PTP4A2: variants seen among roughly 807,000 people sequenced by gnomAD.
PTP4A2 encodes the protein protein tyrosine phosphatase type IVA 2.
Under a neutral mutation model 22.9 loss-of-function variants are expected in PTP4A2, and 2 were observed. That is an observed-to-expected ratio of 0.09 (90% CI 0.04 to 0.27). The LOEUF (loss-of-function observed/expected upper bound fraction) is 0.27. Ranked by LOEUF, PTP4A2 falls within the 10% of genes least tolerant of loss-of-function variation. The pLI is 1.00. For missense variants in PTP4A2, 103 were observed against 205.1 expected, an observed-to-expected ratio of 0.50 and a Z score of 3.04; for synonymous variants, 68 against 69.1, an observed-to-expected ratio of 0.98 and a Z score of 0.08.
chr1:31,928,338 T>C (rs991739430), intron 1 of PTP4A2, among the ~76,000 whole-genome samples: 1 of 151,040 alleles, frequency 6.6e-6, no homozygotes, highest in African/African-American at 2.4e-5. Context: ...ATCAATTCAA[T>C]TCTACACAAA....
chr1:31,910,149 C>A lies in PTP4A2; in HGVS notation c.321-37G>T. 2.0e-6 allele frequency: 3 copies of A among 1,536,944 alleles called. No homozygotes were observed. The South Asian group carries it at 3.4e-5, about 17-fold the overall frequency. ...AACCTGTATGTAAGTATCCATAAGT[C>A]TTGGAGTGAAAGGATTTTTAAAAAC... is the stretch of plus-strand genomic sequence containing the variant. On this transcript the variant is annotated intron_variant, in intron 4 of 5. Transcript: ENST00000647444.
chr1:31,921,809 A>C (rs1652167788), intron 1 of PTP4A2: 1 of 152,048 alleles, frequency 6.6e-6, no homozygotes, highest in Non-Finnish European at 1.5e-5. Flanking sequence ...CTTCAACACT[A>C]TTCATCTATC....
intron 2 of PTP4A2, among the ~76,000 whole-genome samples, chr1:31,916,913 A>T (rs541921381): frequency 2.0e-5 from 3 of 152,334 alleles, no homozygotes; most frequent in African/African-American, 7.2e-5. Context: ...CTGTATCTTT[A>T]TATTTTTATG....
intron 1 of PTP4A2, among the ~76,000 whole-genome samples, chr1:31,935,172 C>T (rs546926904): frequency 6.6e-6 from 1 of 152,206 alleles, no homozygotes; most frequent in East Asian, 1.9e-4. Context: ...ATATACTCTC[C>T]TCTTTTTCCA....
chr1:31,910,199 A>G, intron 4 of PTP4A2, 87 bp from the exon 5 acceptor site: 3 of 947,208 alleles, frequency 3.2e-6, no homozygotes, highest in South Asian at 2.8e-5. Context: ...TACCAATGCA[A>G]CGCATGAGCT....
intron 2 of PTP4A2, among the ~76,000 whole-genome samples, chr1:31,916,540 A>T (rs1324687420): frequency 6.6e-6 from 1 of 152,144 alleles, no homozygotes; most frequent in Non-Finnish European, 1.5e-5. Context: ...AACTTACACA[A>T]AAGTTCACAT....
intron 1 of PTP4A2, chr1:31,934,114 CT>C (rs1652840000): frequency 6.6e-6 from 1 of 152,142 alleles, no homozygotes; most frequent in African/African-American, 2.4e-5. Context: ...AAAAAATTAG[CT>C]GGGCGTGGTG....
At chr1:31,909,454 T>C (rs1361251501) in intron 5 of PTP4A2, among the ~76,000 whole-genome samples, 1 of 152,078 alleles carries the variant, frequency 6.6e-6, no homozygotes, top group Non-Finnish European at 1.5e-5. Flanking sequence ...GGTGGGCGGA[T>C]CACGAGATCA....
intron 1 of PTP4A2, among the ~76,000 whole-genome samples, chr1:31,937,206 G>A (rs1056762021): frequency 6.6e-6 from 1 of 152,096 alleles, no homozygotes; most frequent in African/African-American, 2.4e-5. Flanking sequence ...TTGAAGTCAT[G>A]AAACGTGGGA....
At chr1:31,913,809 C>CTA in intron 3 of PTP4A2, 1 of 456,228 alleles carries the variant, frequency 2.2e-6, no homozygotes, top group South Asian at 1.5e-5. Flanking sequence ...CTCAAACAGA[C>CTA]TATGGTCAAT....
chr1:31,915,851 A>G, intron 3 of PTP4A2, 44 bp downstream of exon 3: 1 of 1,278,500 alleles, frequency 7.8e-7, no homozygotes, highest in Non-Finnish European at 1.1e-6. Context: ...TTTATGTTTG[A>G]AAGATACAAC....
In PTP4A2 at chr1:31,917,517, A is replaced by C. The variant is rs187795352; in HGVS notation, c.96+1453T>G. ...CCATTCATTGAAAAGTTGCGATAAAATTTTTTATGGTATTTGTGACCTTAA... is the reference window on the plus strand; with the variant it reads ...CCATTCATTGAAAAGTTGCGATAAACTTTTTTATGGTATTTGTGACCTTAA... On this transcript the variant is annotated intron_variant, in intron 2 of 5. Coordinates refer to ENST00000647444, the MANE Select transcript of PTP4A2 (RefSeq NM_080391.4). 2.5e-3 allele frequency among the ~76,000 whole-genome samples: 381 copies of C among 152,260 alleles called. 2 individuals are homozygous for C. The highest frequency in any genetic ancestry group is 8.7e-3 in the African/African-American group (361 of 41,550).
intron 5 of PTP4A2, among the ~76,000 whole-genome samples, chr1:31,909,364 C>T (rs1011224254): frequency 6.6e-6 from 1 of 152,030 alleles, no homozygotes; most frequent in African/African-American, 2.4e-5. Context: ...GATTTTGTCC[C>T]TGAATAGATC....
At chr1:31,922,634 CTTTT>C (rs1272105483) in intron 1 of PTP4A2, among the ~76,000 whole-genome samples, 15 of 97,232 alleles carry the variant, frequency 1.5e-4, no homozygotes, top group Non-Finnish European at 1.7e-4. Context: ...TTCTTTCTTT[CTTTT>C]ATTTATTTTG....
chr1:31,928,801 A>G (rs942535345), intron 1 of PTP4A2, among the ~76,000 whole-genome samples: 1 of 152,154 alleles, frequency 6.6e-6, no homozygotes, highest in Non-Finnish European at 1.5e-5. Flanking sequence ...GTCCCAGTAC[A>G]GAAATCAATA....
chr1:31,919,955 C>T (rs1004607726), intron 1 of PTP4A2, among the ~76,000 whole-genome samples: 3 of 147,916 alleles, frequency 2.0e-5, no homozygotes, highest in Admixed American at 6.8e-5. Context: ...GGAGAAACCC[C>T]GTCGCTACTA....
chr1:31,930,332 C>T (rs1652672076), intron 1 of PTP4A2, among the ~76,000 whole-genome samples: 1 of 151,386 alleles, frequency 6.6e-6, no homozygotes, highest in Admixed American at 6.6e-5. Flanking sequence ...AGTGAGACTC[C>T]ATCTCAAAAA....
chr1:31,922,618 CTTTCTTTCTTTCT>C (rs1652226975), intron 1 of PTP4A2, among the ~76,000 whole-genome samples: 1 of 135,478 alleles, frequency 7.4e-6, no homozygotes, highest in South Asian at 2.3e-4. Flanking sequence ...TTCTTTCTTT[CTTTCTTTCTTTCT>C]TTCTTTTATT....
chr1:31,910,243 T>A, intron 4 of PTP4A2, 131 bp from the exon 5 acceptor site: 1 of 634,488 alleles, frequency 1.6e-6, no homozygotes, highest in Non-Finnish European at 2.7e-6. Context: ...AGCTGGTATC[T>A]GCCTAATACA....
Sources: allele counts gnomAD v4.1 joint callset (sites outside exome capture counted in the v4.1 genomes callset), GRCh38; gene constraint gnomAD v4.1.1; transcripts MANE v1.5; gene names NCBI Gene and HGNC (gene_info 2026-07-23, HGNC 2026-07-21).